COBLL1: variants seen among roughly 807,000 people sequenced by gnomAD.
COBLL1 encodes the protein cordon-bleu protein-like 1.
COBLL1 carries 50 observed loss-of-function variants against 94.8 expected under a neutral mutation model. The ratio of observed to expected loss-of-function variants is 0.53; its 90% CI spans 0.42 to 0.67. The LOEUF is 0.67. Ranked by LOEUF, COBLL1 falls within the 30% of genes least tolerant of loss-of-function variation. The pLI, the probability that COBLL1 is intolerant of heterozygous loss-of-function variation, is 0.00. For missense variants in COBLL1, 1,362 were observed against 1,348.7 expected, an observed-to-expected ratio of 1.01 and a Z score of -0.15; for synonymous variants, 448 against 473.8, an observed-to-expected ratio of 0.95 and a Z score of 0.71.
At chr2:164,827,866 G>C (rs1574662786) in intron 2 of COBLL1, among the ~76,000 whole-genome samples, 1 of 152,254 alleles carries the variant, frequency 6.6e-6, no homozygotes, top group East Asian at 1.9e-4. Context: ...GATGGACAAA[G>C]TTTTTGGTTT....
intron 2 of COBLL1, among the ~76,000 whole-genome samples, chr2:164,766,256 C>A (rs1441220862): frequency 1.3e-5 from 2 of 152,202 alleles, no homozygotes; most frequent in Non-Finnish European, 2.9e-5. Flanking sequence ...TGAACACTCA[C>A]ATACAAATCT....
intron 1 of COBLL1, among the ~76,000 whole-genome samples, chr2:164,674,075 G>A (rs1373911626): frequency 6.6e-6 from 1 of 152,006 alleles, no homozygotes; most frequent in Non-Finnish European, 1.5e-5. Context: ...GTTGTTGTTT[G>A]TTTTCAGACA....
rs552018775 is a variant in COBLL1, at chr2:164,721,085, C to T, written c.996+990G>A. On this transcript the variant is annotated intron_variant, in intron 7 of 13. Coordinates refer to ENST00000652658, the MANE Select transcript of COBLL1 (RefSeq NM_001365672.2). Reference sequence around the variant, plus strand: ...TGCATGTATGATAGCCTATAAACTACATTTTAAAACTATGGTTAATTTTTT... The same window carrying T: ...TGCATGTATGATAGCCTATAAACTATATTTTAAAACTATGGTTAATTTTTT... 3.6e-4 allele frequency among the ~76,000 whole-genome samples: 55 copies of T among 152,310 alleles called. No homozygotes were observed. In the East Asian group the frequency reaches 5.0e-3, roughly 14 times the overall value.
intron 3 of COBLL1, among the ~76,000 whole-genome samples, chr2:164,735,316 G>C (rs1261145744): frequency 6.6e-6 from 1 of 152,184 alleles, no homozygotes; most frequent in African/African-American, 2.4e-5. Flanking sequence ...AAAGTAACAT[G>C]GTGAAAGCTC....
At chr2:164,841,942 C>G (rs1016166446), upstream of COBLL1, 4 of 1,531,168 alleles carry the variant, frequency 2.6e-6, no homozygotes, top group African/African-American at 5.5e-5. This position sits in a 1 kb window ranked among gnomAD's most constrained non-coding sequence, Gnocchi z 5.5. Flanking sequence ...CGCTGGAGCC[C>G]GCTCTCTCAC....
chr2:164,813,229 T>C (rs1189915792), intron 2 of COBLL1, among the ~76,000 whole-genome samples: 2 of 152,128 alleles, frequency 1.3e-5, no homozygotes, highest in Non-Finnish European at 2.9e-5. Flanking sequence ...AATATGCTAA[T>C]GTGAATCTAC....
upstream of COBLL1, chr2:164,842,033 G>A (rs2105407378): frequency 6.5e-7 from 1 of 1,536,600 alleles, no homozygotes; most frequent in Non-Finnish European, 8.7e-7. Context: ...GTGGGGACCA[G>A]CTCGGCGGCA....
At chr2:164,740,937 TAGA>T (rs984242238) in intron 3 of COBLL1, among the ~76,000 whole-genome samples, 2 of 152,042 alleles carry the variant, frequency 1.3e-5, no homozygotes, top group Admixed American at 6.6e-5. Flanking sequence ...AGAGTATTTG[TAGA>T]AGAACAAAGG....
Position 164,695,837 on chromosome 2 carries a change from C to A in COBLL1, c.1556-1G>T, listed in dbSNP as rs1410130942. 2 of 1,542,570 alleles carry A rather than the reference C, an allele frequency of 1.3e-6. No individual in the cohort carries two copies. Among genetic ancestry groups the A allele is most frequent in the Middle Eastern group, 1.9e-4 (1 of 5,278 alleles). On this transcript the variant is annotated splice_acceptor_variant, in intron 11 of 13. Coordinates refer to ENST00000652658, the MANE Select transcript of COBLL1 (RefSeq NM_001365672.2). LOFTEE classifies it high-confidence loss of function. ...TAGACAATTATTTCATTTTGAACTA[C>A]TGAGAGAAAAAAATCATCAAGTTAA...
chr2:164,809,598 T>C (rs935278368), intron 2 of COBLL1, among the ~76,000 whole-genome samples: 1 of 151,988 alleles, frequency 6.6e-6, no homozygotes, highest in South Asian at 2.1e-4. Flanking sequence ...CAAGAAGATA[T>C]TTAACCTCTA....
At chr2:164,675,944 A>G (rs10187501), downstream of COBLL1, among the ~76,000 whole-genome samples, 61,224 of 151,954 alleles carry the variant, frequency 0.4, 14,166 homozygotes, top group African/African-American at 0.64. Flanking sequence ...ACTTGAGTGC[A>G]CTAAAAATAG....
chr2:164,805,667 C>T (rs997308688), intron 2 of COBLL1, among the ~76,000 whole-genome samples: 15 of 151,858 alleles, frequency 9.9e-5, no homozygotes, highest in African/African-American at 3.6e-4. Context: ...CTTGATAGTT[C>T]ATTTTCTTTT....
At chr2:164,798,055 A>G (rs1683561151) in intron 2 of COBLL1, among the ~76,000 whole-genome samples, 2 of 152,218 alleles carry the variant, frequency 1.3e-5, no homozygotes, top group Non-Finnish European at 2.9e-5. Flanking sequence ...ACAAACCTGA[A>G]ACAAAGTGGC....
At chr2:164,790,615 G>A (rs1250203133) in intron 2 of COBLL1, among the ~76,000 whole-genome samples, 1 of 152,076 alleles carries the variant, frequency 6.6e-6, no homozygotes, top group Admixed American at 6.6e-5. Flanking sequence ...CAACACTGAG[G>A]ACTTAACTGT....
intron 2 of COBLL1, among the ~76,000 whole-genome samples, chr2:164,807,939 T>C (rs12616174): frequency 0.35 from 53,794 of 151,916 alleles, 9,739 homozygotes; most frequent in Admixed American, 0.41. Flanking sequence ...TGTGCCTCAG[T>C]CCCCCGAGTA....
At chr2:164,757,807 C>A (rs2105606962) in intron 2 of COBLL1, among the ~76,000 whole-genome samples, 1 of 151,302 alleles carries the variant, frequency 6.6e-6, no homozygotes, top group East Asian at 1.9e-4. Context: ...GAGACTCTGT[C>A]TCAAAAAATA....
At chr2:164,732,103 A>G (rs1686045234) in intron 3 of COBLL1, among the ~76,000 whole-genome samples, 1 of 152,140 alleles carries the variant, frequency 6.6e-6, no homozygotes, top group Non-Finnish European at 1.5e-5. Flanking sequence ...TCCCTCACAC[A>G]TCCCTTCTCC....
At chr2:164,722,748 TC>T in intron 5 of COBLL1, 1 of 259,014 alleles carries the variant, frequency 3.9e-6, no homozygotes, top group South Asian at 1.3e-4. Flanking sequence ...AGATACATAA[TC>T]CAGGCCAACA....
Position 164,760,303 on chromosome 2 carries a change from A to T in COBLL1, c.42-16428T>A, listed in dbSNP as rs553189799. ...AAAAAAGACAGTCTCAAGGAGTTAC[A>T]TACTGTATGGTTCTGCTTACGTAAG... On this transcript the variant is annotated intron_variant, in intron 2 of 13. Coordinates refer to ENST00000652658, the MANE Select transcript of COBLL1 (RefSeq NM_001365672.2). 7.9e-5 allele frequency among the ~76,000 whole-genome samples: 12 copies of T among 152,334 alleles called. No individual in the cohort carries two copies. The South Asian group carries it at 2.5e-3, about 32-fold the overall frequency.
Sources: gnomAD v4.1 joint callset for allele counts (sites outside exome capture counted in the v4.1 genomes callset) on GRCh38, gnomAD v4.1.1 for gene constraint, Gnocchi (gnomAD v3.1) non-coding constraint, MANE v1.5 for transcripts, NCBI Gene and HGNC (gene_info 2026-07-23, HGNC 2026-07-21) for gene names.